Variants in SUGCT observed in about 807,000 individuals in gnomAD.
SUGCT encodes the protein succinyl-CoA:glutarate CoA-transferase.
A neutral mutation model predicts 55.0 loss-of-function variants in SUGCT; 41 were observed. The observed-to-expected ratio is 0.74, with a 90% CI of 0.58 to 0.97. The LOEUF (loss-of-function observed/expected upper bound fraction) is 0.97, where lower values mean the gene tolerates loss of function less well. Among genes scored for constraint, SUGCT ranks in the 50% least tolerant of loss-of-function variants. SUGCT has a pLI of 0.00. For synonymous variants in SUGCT, 187 were observed against 200.4 expected (o/e 0.93, Z 0.56); for missense variants, 568 against 547.8 (o/e 1.04, Z -0.37).
chr7:40,761,418 G>C (rs1485822759), intron 13 of SUGCT, among the ~76,000 whole-genome samples: 2 of 152,212 alleles, frequency 1.3e-5, no homozygotes, highest in Non-Finnish European at 2.9e-5. Context: ...TGGGAAATTA[G>C]AGAGGGGCCC....
At chr7:40,637,763 G>T (rs1800084714) in intron 12 of SUGCT, among the ~76,000 whole-genome samples, 1 of 152,164 alleles carries the variant, frequency 6.6e-6, no homozygotes, top group South Asian at 2.1e-4. Flanking sequence ...TAACTAATTG[G>T]TTATTATGCT....
At chr7:40,505,324 T>C (rs1237708856) in intron 12 of SUGCT, among the ~76,000 whole-genome samples, 1 of 152,128 alleles carries the variant, frequency 6.6e-6, no homozygotes, top group Non-Finnish European at 1.5e-5. Flanking sequence ...ATATCTACCT[T>C]TTGATTAGGT....
intron 13 of SUGCT, among the ~76,000 whole-genome samples, chr7:40,751,267 G>A (rs1787997523): frequency 6.6e-6 from 1 of 152,140 alleles, no homozygotes; most frequent in Admixed American, 6.5e-5. Flanking sequence ...AGGTGGGGAA[G>A]TGGGGCAGGA....
chr7:40,733,189 G>A (rs899982751), intron 12 of SUGCT, among the ~76,000 whole-genome samples: 2 of 152,164 alleles, frequency 1.3e-5, no homozygotes, highest in Non-Finnish European at 2.9e-5. Flanking sequence ...TAGTTTCTAT[G>A]TATTTCCATC....
intron 11 of SUGCT, among the ~76,000 whole-genome samples, chr7:40,465,296 T>C (rs944497408): frequency 1.3e-5 from 2 of 152,152 alleles, no homozygotes; most frequent in African/African-American, 2.4e-5. Flanking sequence ...TTTGTTGAAA[T>C]GAATCAAGCA....
rs184583039 is a variant in SUGCT, at chr7:40,380,840, G to A, written c.816+63985G>A. 4.6e-5 allele frequency among the ~76,000 whole-genome samples: 7 copies of A among 152,186 alleles called. No homozygotes were observed. The East Asian group carries it at 9.7e-4, about 21-fold the overall frequency. On this transcript the variant is annotated intron_variant, in intron 9 of 13. Transcript: ENST00000335693. ...GTATTTATTTTGTTAGGTTTTGGGG[G>A]TTAGAGCTTGCATAATTACCTATTT... is the stretch of plus-strand genomic sequence containing the variant.
At chr7:40,777,458 T>A (rs1272540940) in intron 13 of SUGCT, among the ~76,000 whole-genome samples, 1 of 152,124 alleles carries the variant, frequency 6.6e-6, no homozygotes. Context: ...GTGGGTTTTT[T>A]TTTTTAAAAT....
At chr7:40,318,155 A>G (rs1441316515) in intron 9 of SUGCT, among the ~76,000 whole-genome samples, 1 of 152,214 alleles carries the variant, frequency 6.6e-6, no homozygotes, top group African/African-American at 2.4e-5. Flanking sequence ...GAAATCTGAT[A>G]CCTAGATTGG....
At chr7:40,780,333 C>T (rs1327426096) in intron 13 of SUGCT, among the ~76,000 whole-genome samples, 2 of 152,012 alleles carry the variant, frequency 1.3e-5, no homozygotes. Context: ...TAATATTTTC[C>T]TCTGGGGCAA....
At chr7:40,559,992 G>A (rs1031491728) in intron 12 of SUGCT, among the ~76,000 whole-genome samples, 1 of 152,142 alleles carries the variant, frequency 6.6e-6, no homozygotes, top group Non-Finnish European at 1.5e-5. Context: ...TTCTATTTTG[G>A]ATTCGGATCA....
the SUGCT span, among the ~76,000 whole-genome samples, chr7:41,018,696 A>G: frequency 6.6e-6 from 1 of 152,192 alleles, no homozygotes; most frequent in Non-Finnish European, 1.5e-5. Context: ...CCTACCTAAA[A>G]GTGTCTGAAG....
At chr7:40,544,343 A>G (rs1243544449) in intron 12 of SUGCT, among the ~76,000 whole-genome samples, 2 of 152,046 alleles carry the variant, frequency 1.3e-5, no homozygotes, top group Non-Finnish European at 2.9e-5. Flanking sequence ...ACTGTGCCGC[A>G]AGTGGGTGTG....
chr7:40,324,263 A>ATATATATATTTATTTC (rs1407886106), intron 9 of SUGCT, among the ~76,000 whole-genome samples: 1 of 143,914 alleles, frequency 6.9e-6, no homozygotes. Flanking sequence ...ATATATATAT[A>ATATATATATTTATTTC]TTTATTTTTT....
At chr7:40,989,915 C>T in the SUGCT span, among the ~76,000 whole-genome samples, 2 of 152,208 alleles carry the variant, frequency 1.3e-5, no homozygotes, top group South Asian at 4.1e-4. Flanking sequence ...GTTACTTTCT[C>T]TGCTGAAGTC....
At chr7:40,247,856 A>G (rs1790007976) in intron 7 of SUGCT, among the ~76,000 whole-genome samples, 1 of 150,002 alleles carries the variant, frequency 6.7e-6, no homozygotes, top group Admixed American at 6.7e-5. Context: ...ATCTTTTGAT[A>G]AGTAGTTTTA....
At chr7:40,945,117 T>C in the SUGCT span, among the ~76,000 whole-genome samples, 1 of 152,124 alleles carries the variant, frequency 6.6e-6, no homozygotes, top group African/African-American at 2.4e-5. Context: ...AAGCTGTGGC[T>C]AAAACAGGTG....
At chr7:40,952,224 T>C in the SUGCT span, among the ~76,000 whole-genome samples, 6 of 152,216 alleles carry the variant, frequency 3.9e-5, no homozygotes, top group Non-Finnish European at 8.8e-5. Flanking sequence ...TCTTTGTCTC[T>C]TTTGATCTTT....
At chr7:40,710,543 T>G (rs889854103) in intron 12 of SUGCT, among the ~76,000 whole-genome samples, 1 of 152,112 alleles carries the variant, frequency 6.6e-6, no homozygotes, top group African/African-American at 2.4e-5. Flanking sequence ...CTCTAGATCT[T>G]CATAAAAAGG....
intron 13 of SUGCT, among the ~76,000 whole-genome samples, chr7:40,845,556 G>A (rs901247257): frequency 2.6e-5 from 4 of 152,152 alleles, no homozygotes; most frequent in East Asian, 1.9e-4. Context: ...GGACTGTGGG[G>A]CTAGCAAGGT....
Sources: allele counts gnomAD v4.1 joint callset (sites outside exome capture counted in the v4.1 genomes callset), GRCh38; gene constraint gnomAD v4.1.1; transcripts MANE v1.5; gene names NCBI Gene and HGNC (gene_info 2026-07-23, HGNC 2026-07-21).